Variants in FBN3 observed in about 807,000 individuals in gnomAD.
FBN3 encodes the protein fibrillin 3, also known as fibrillin-3.
A neutral mutation model predicts 330.1 loss-of-function variants in FBN3; 234 were observed. The observed-to-expected ratio is 0.71, with a 90% CI of 0.64 to 0.79. FBN3 has a LOEUF of 0.79. FBN3 is among the 30% of genes least tolerant of loss of function. FBN3 has a pLI of 0.00. For missense variants in FBN3, 3,606 were observed against 3,886.9 expected, an observed-to-expected ratio of 0.93 and a Z score of 1.92; for synonymous variants, 1,458 against 1,517.3, an observed-to-expected ratio of 0.96 and a Z score of 0.91.
Position 8,129,096 on chromosome 19 carries a change from C to A in FBN3, c.2228G>T (p.Ser743Ile). ...GCAGGAGCAGCTGTAGCTGCCAGGG[C>A]TATTCTGGCACCACCCGTTGTCACA... ...LLCDNGWCQN[S>I]PGSYSCSCPP... The change falls in exon 18 of 64, where the codon AGC becomes ATC. Residue 743 changes from serine (S) to isoleucine (I), a missense_variant. Transcript: ENST00000600128. This position sits in a 1 kb window ranked among gnomAD's most constrained non-coding sequence, Gnocchi z 4.5. 6.2e-7 allele frequency: 1 copy of A among 1,612,766 alleles called. No homozygotes were observed. The highest frequency in any genetic ancestry group is 8.5e-7 in the Non-Finnish European group (1 of 1,179,846).
At chr19:8,079,856 A>G (rs2081734649) in intron 59 of FBN3, among the ~76,000 whole-genome samples, 1 of 151,996 alleles carries the variant, frequency 6.6e-6, no homozygotes, top group African/African-American at 2.4e-5. Context: ...TCCCAAAGTG[A>G]TGGGATTACA....
At position 8,075,079 on chromosome 19, in the gene FBN3, T is replaced by C. The variant is rs1430775220; in HGVS notation, c.7694A>G (p.Gln2565Arg). The change falls in exon 61 of 64, where the codon CAG becomes CGG. Residue 2565 changes from glutamine (Q) to arginine (R), a missense_variant. Coordinates refer to ENST00000600128, the MANE Select transcript of FBN3 (RefSeq NM_032447.5). Reference protein sequence around the residue: ...QGFTQHSQWAQCVDENECALS... With the variant: ...QGFTQHSQWARCVDENECALS... ...CAGCCCTTTTCACTCACCCACACAC[T>C]GGGCCCACTGGGAGTGCTGGGTGAA... The C allele has an allele frequency of 6.2e-7, 1 of 1,602,396 alleles. No homozygotes were observed. Among genetic ancestry groups the C allele is most frequent in the South Asian group, 1.1e-5 (1 of 89,566 alleles).
intron 30 of FBN3, among the ~76,000 whole-genome samples, 188 bp from the exon 31 acceptor site, chr19:8,112,287 A>G (rs1226778260): frequency 1.3e-5 from 2 of 152,026 alleles, no homozygotes; most frequent in Non-Finnish European, 2.9e-5. Context: ...CCCAACAGAC[A>G]TGACTCTCAG....
intron 30 of FBN3, 78 bp downstream of exon 30, chr19:8,115,437 G>C: frequency 5.2e-6 from 8 of 1,524,020 alleles, no homozygotes; most frequent in Non-Finnish European, 6.2e-6. Context: ...TCTGCCCTGG[G>C]GGATGGAAAC....
At chr19:8,135,936 G>GGGGGGGGGGGGGGGGGGGGGGGGCCGCC in intron 13 of FBN3, 25 bp downstream of exon 13, 1 of 668,778 alleles carries the variant, frequency 1.5e-6, no homozygotes, top group Non-Finnish European at 2.4e-6. Context: ...GGAAGCCCCT[G>GGGGGGGGGGGGGGGGGGGGGGGGCCGCC]CCCACCCGCC....
chr19:8,086,307 G>T lies in FBN3; in HGVS notation c.6773C>A (p.Ala2258Asp), dbSNP rs1430961604. 3 of 1,608,810 alleles carry T rather than the reference G, an allele frequency of 1.9e-6. No homozygotes were observed. The highest frequency in any genetic ancestry group is 2.5e-6 in the Non-Finnish European group (3 of 1,176,600). The change falls in exon 55 of 64, where the codon GCT (alanine) becomes GAT (aspartate). Residue 2258 changes from alanine (A) to aspartate (D), a missense_variant. Transcript: ENST00000600128. ...EGCTDDNECHAQPDLCVNGRC... is the reference protein window; with the variant it reads ...EGCTDDNECHDQPDLCVNGRC... ...GCCGTTGACACAGAGGTCAGGCTGA[G>T]CGTGGCATTCATTGTCATCTGAGAT... is the stretch of plus-strand genomic sequence containing the variant.
At chr19:8,123,733 G>A (rs1407283154) in intron 23 of FBN3, 51 bp downstream of exon 23, 3 of 1,601,122 alleles carry the variant, frequency 1.9e-6, no homozygotes, top group African/African-American at 1.3e-5. Context: ...TTTTGCCTAT[G>A]CCGTGCCCCT....
At chr19:8,148,073 G>A (rs769708878) in intron 1 of FBN3, among the ~76,000 whole-genome samples, 10 of 151,940 alleles carry the variant, frequency 6.6e-5, no homozygotes, top group African/African-American at 1.9e-4. Context: ...CCCAGAGAGC[G>A]TCCAGGGTAG....
At position 8,096,047 on chromosome 19, in the gene FBN3, T is replaced by C. The variant is rs1419322148; in HGVS notation, c.5573A>G (p.Asn1858Ser). The change falls in exon 45 of 64, where the codon AAT becomes AGT. Residue 1858 changes from asparagine (N) to serine (S), a missense_variant. Physicochemically the swap from Asn to Ser is conservative, Grantham distance 46. Transcript: ENST00000600128. The surrounding 1 kb of genome is among the most constrained non-coding windows in gnomAD (Gnocchi z 4.6). ...IDECDRQPCG[N>S]GTCKNIIGSY... is the part of the protein sequence containing the mutation. ...GCCAATGATGTTCTTGCAGGTCCCA[T>C]TTCCACAAGGCTGCCGGTCACACTC... The C allele has an allele frequency of 1.2e-6, 2 of 1,614,026 alleles. No homozygotes were observed. The highest frequency in any genetic ancestry group is 8.5e-7 in the Non-Finnish European group (1 of 1,179,940).
chr19:8,069,792 T>C (rs1287759030), intron 63 of FBN3, among the ~76,000 whole-genome samples: 2 of 152,192 alleles, frequency 1.3e-5, no homozygotes, highest in Non-Finnish European at 2.9e-5. Context: ...CTCACTATGT[T>C]ACCCGGGCTG....
Position 8,109,089 on chromosome 19 carries a change from T to G in FBN3, c.4618+138A>C, listed in dbSNP as rs2082515534. ...AAGACGTACACTGTGTGACCCAGGA[T>G]GAGCCCCTCTCCTCCCCCAGTTCTT... On this transcript the variant is annotated intron_variant, in intron 36 of 63. Transcript: ENST00000600128. This position sits in a 1 kb window ranked among gnomAD's most constrained non-coding sequence, Gnocchi z 5.2. The G allele has an allele frequency of 1.3e-6, 1 of 754,560 alleles. No individual in the cohort carries two copies. Among genetic ancestry groups the G allele is most frequent in the South Asian group, 1.8e-5 (1 of 54,686 alleles). 46.7% of individuals were successfully genotyped at this position (754,560 alleles called of 1,614,324 possible). A position where few individuals can be genotyped will look rare whatever the true frequency, so the allele number is the denominator to read the frequency against.
chr19:8,145,870 C>A lies in FBN3; in HGVS notation c.418G>T (p.Gly140Cys), dbSNP rs1390518209. 3 of 1,551,110 alleles carry A rather than the reference C, an allele frequency of 1.9e-6. No homozygotes were observed. The East Asian group carries it at 7.3e-5, about 38-fold the overall frequency. ...TGCCCACACACGGTGCCTGTGTAGCCCTTCTGACACAGACAGGACGCCCCC... is the reference window on the plus strand; with the variant it reads ...TGCCCACACACGGTGCCTGTGTAGCACTTCTGACACAGACAGGACGCCCCC... ...CRGASCLCQK[G>C]YTGTVCGQPI... Residue 140 changes from glycine (G) to cysteine (C), a missense_variant, in exon 5 of 64, where the codon GGC becomes TGC. Coordinates refer to ENST00000600128, the MANE Select transcript of FBN3 (RefSeq NM_032447.5).
At chr19:8,108,456 CGT>C (rs1169322598) in intron 36 of FBN3, among the ~76,000 whole-genome samples, 1 of 151,760 alleles carries the variant, frequency 6.6e-6, no homozygotes, top group East Asian at 1.9e-4. Context: ...CGTGTGCATG[CGT>C]GTGTGTGTGT....
Position 8,109,745 on chromosome 19 carries a change from C to G in FBN3, c.4342G>C (p.Glu1448Gln), listed in dbSNP as rs144956618. The G allele has an allele frequency of 2.0e-6, 3 of 1,515,560 alleles. No individual in the cohort carries two copies. The Admixed American group carries it at 6.7e-5, about 34-fold the overall frequency. The allele number at this position is 1,515,560 out of a possible 1,614,324, so 93.9% of individuals were successfully genotyped here. A position where few individuals can be genotyped will look rare whatever the true frequency, so the allele number is the denominator to read the frequency against. Residue 1448 changes from glutamate (E) to glutamine (Q), a missense_variant, in exon 35 of 64, where the codon GAG becomes CAG. Coordinates refer to ENST00000600128, the MANE Select transcript of FBN3 (RefSeq NM_032447.5). This position sits in a 1 kb window ranked among gnomAD's most constrained non-coding sequence, Gnocchi z 5.2. The stretch of plus-strand genomic sequence containing the variant: ...ATGCAGTTTACTGGGTCTGCACACT[C>G]GTTGATGTCTGTAGGGAGGAAGCGC... ...RGGGNCTDIN[E>Q]CADPVNCING...
intron 40 of FBN3, among the ~76,000 whole-genome samples, chr19:8,101,451 G>A (rs2082325930): frequency 1.3e-5 from 2 of 152,178 alleles, no homozygotes; most frequent in Admixed American, 1.3e-4. Context: ...CATTCCTGCT[G>A]TCAACACACT....
At chr19:8,106,323 C>T in intron 37 of FBN3, 90 bp from the exon 38 acceptor site, 1 of 1,424,680 alleles carries the variant, frequency 7.0e-7, no homozygotes, top group African/African-American at 1.4e-5. Context: ...TTCTCCAGGG[C>T]CCTCTCGAGG....
At position 8,147,385 on chromosome 19, in the gene FBN3, G is replaced by T; in HGVS notation, c.96C>A (p.Arg32=). ...CTGCAGCCTCCAAGGCCCCGTCCCA[G>T]CGGCCTTGGCCACCTGCCATGCACA... ...ALLCMAGGQG[R]WDGALEAAGP... The change falls in exon 2 of 64, where the codon CGC becomes CGA. Residue 32 remains arginine, a synonymous_variant. Coordinates refer to ENST00000600128, the MANE Select transcript of FBN3 (RefSeq NM_032447.5). 6.3e-7 allele frequency: 1 copy of T among 1,598,156 alleles called. No individual in the cohort carries two copies.
intron 4 of FBN3, 28 bp downstream of exon 4, chr19:8,146,099 C>T: frequency 6.4e-7 from 1 of 1,558,078 alleles, no homozygotes; most frequent in Non-Finnish European, 8.7e-7. Context: ...CTTCTTCTCC[C>T]TCCCGCAAGA....
Position 8,124,015 on chromosome 19 carries a change from G to A in FBN3, c.2732-7C>T, listed in dbSNP as rs750313447. 39 of 1,609,626 alleles carry A rather than the reference G, an allele frequency of 2.4e-5. No individual in the cohort carries two copies. Among genetic ancestry groups the A allele is most frequent in the African/African-American group, 9.4e-5 (7 of 74,832 alleles). ...CATGGTTCCAATCTCACATCTGCAC[G>A]GGGGACAGTCACTGCGTCCCCACCC... On this transcript the variant is annotated splice_region_variant and splice_polypyrimidine_tract_variant and intron_variant, in intron 22 of 63. Coordinates refer to ENST00000600128, the MANE Select transcript of FBN3 (RefSeq NM_032447.5).
Sources: gnomAD v4.1 joint callset for allele counts (sites outside exome capture counted in the v4.1 genomes callset) on GRCh38, gnomAD v4.1.1 for gene constraint, Gnocchi (gnomAD v3.1) non-coding constraint, MANE v1.5 for transcripts, NCBI Gene and HGNC (gene_info 2026-07-23, HGNC 2026-07-21) for gene names.